The following PPA2 variants were observed in gnomAD, a reference collection of about 807,000 sequenced individuals.
The protein encoded by PPA2 is inorganic pyrophosphatase 2.
Under a neutral mutation model 49.5 loss-of-function variants are expected in PPA2, and 48 were observed. The ratio of observed to expected loss-of-function variants is 0.97; its 90% CI spans 0.77 to 1.23. PPA2 has a LOEUF of 1.23. Ranked by LOEUF, PPA2 falls within the 50% of genes most tolerant of loss-of-function variation. The pLI, the probability that PPA2 is intolerant of heterozygous loss-of-function variation, is 0.00. For missense variants in PPA2, 429 were observed against 410.1 expected (o/e 1.05, Z -0.40); for synonymous variants, 131 against 139.9 (o/e 0.94, Z 0.45).
At chr4:105,448,223 T>C (rs1184330225) in intron 4 of PPA2, 4 of 197,792 alleles carry the variant, frequency 2.0e-5, no homozygotes, top group East Asian at 1.7e-4. Context: ...TGAAACATTA[T>C]ACATGAAACA....
At chr4:105,431,442 AAAT>A (rs1328363272) in intron 6 of PPA2, among the ~76,000 whole-genome samples, 1 of 152,220 alleles carries the variant, frequency 6.6e-6, no homozygotes, top group East Asian at 1.9e-4. Context: ...CAAAAAGGGA[AAAT>A]AATGAGTATT....
chr4:105,463,646 C>T (rs993807111), intron 1 of PPA2, among the ~76,000 whole-genome samples: 2 of 152,148 alleles, frequency 1.3e-5, no homozygotes, highest in African/African-American at 4.8e-5. Context: ...AAGGTGGTTT[C>T]GCTGGGCTCA....
At chr4:105,412,394 C>T (rs1578833894) in intron 7 of PPA2, among the ~76,000 whole-genome samples, 1 of 151,750 alleles carries the variant, frequency 6.6e-6, no homozygotes, top group Non-Finnish European at 1.5e-5. Context: ...AAGAAGAAAA[C>T]CTAGGCAATA....
At chr4:105,451,493 T>C (rs1057239287) in intron 3 of PPA2, among the ~76,000 whole-genome samples, 2 of 152,252 alleles carry the variant, frequency 1.3e-5, no homozygotes, top group South Asian at 2.1e-4. Flanking sequence ...CCTGCTGTTA[T>C]GTTTCATTTT....
chr4:105,396,526 A>G (rs537120790), intron 8 of PPA2, among the ~76,000 whole-genome samples, 192 bp from the exon 9 acceptor site: 23 of 152,328 alleles, frequency 1.5e-4, no homozygotes, highest in African/African-American at 4.8e-4. Flanking sequence ...TAAGCTTGCT[A>G]AGCCTCAATT....
intron 10 of PPA2, among the ~76,000 whole-genome samples, chr4:105,376,535 T>A (rs1733260211): frequency 6.6e-6 from 1 of 152,156 alleles, no homozygotes; most frequent in African/African-American, 2.4e-5. Context: ...AATCTGTCGA[T>A]GAATAGGCAA....
Position 105,424,326 on chromosome 4 carries a change from TAAAGA to T in PPA2, c.529-9_529-5del. The T allele has an allele frequency of 6.3e-7, 1 of 1,580,680 alleles. No homozygotes were observed. The highest frequency in any genetic ancestry group is 8.5e-7 in the Non-Finnish European group (1 of 1,171,628). On this transcript the variant is annotated splice_region_variant and splice_polypyrimidine_tract_variant and intron_variant, in intron 6 of 11. Coordinates refer to ENST00000341695, the MANE Select transcript of PPA2 (RefSeq NM_176869.3). ...TAACTTCTCCACAAGAAAGAATCTT[TAAAGA>T]AAAAAGAAATTCACTATTTGCAAGG...
chr4:105,390,331 G>A (rs1733862149), intron 9 of PPA2, among the ~76,000 whole-genome samples: 1 of 152,076 alleles, frequency 6.6e-6, no homozygotes, highest in Admixed American at 6.5e-5. Flanking sequence ...TCAAACTAAA[G>A]AGCTTCTGAC....
chr4:105,448,525 T>C (rs1722510561), intron 4 of PPA2, among the ~76,000 whole-genome samples: 1 of 150,316 alleles, frequency 6.7e-6, no homozygotes, highest in Non-Finnish European at 1.5e-5. Context: ...AACAAGAAAA[T>C]TCTGAATAGC....
At chr4:105,393,544 T>G (rs562961643) in intron 9 of PPA2, among the ~76,000 whole-genome samples, 16 of 147,380 alleles carry the variant, frequency 1.1e-4, no homozygotes, top group African/African-American at 3.7e-4. Flanking sequence ...AATAATATGG[T>G]TCTTAAGCAG....
At chr4:105,398,061 G>T (rs1444538084) in intron 8 of PPA2, among the ~76,000 whole-genome samples, 60 of 147,578 alleles carry the variant, frequency 4.1e-4, no homozygotes, top group Non-Finnish European at 1.5e-5. Flanking sequence ...ATACAGAAAA[G>T]AATTACTATT....
At chr4:105,405,227 T>C (rs1722407668) in intron 7 of PPA2, 1 of 745,332 alleles carries the variant, frequency 1.3e-6, no homozygotes, top group African/African-American at 1.9e-5. Context: ...GGCATAGTTA[T>C]AAACAAACAC....
intron 7 of PPA2, among the ~76,000 whole-genome samples, chr4:105,403,052 T>A (rs1234902365): frequency 1.3e-5 from 2 of 152,084 alleles, no homozygotes; most frequent in African/African-American, 4.8e-5. Context: ...TGACACAGTG[T>A]CTTGCTCTGT....
At chr4:105,372,938 GTTTTA>G (rs1244762098) in intron 10 of PPA2, among the ~76,000 whole-genome samples, 4 of 152,256 alleles carry the variant, frequency 2.6e-5, no homozygotes, top group Non-Finnish European at 5.9e-5. Flanking sequence ...AACAGACTTT[GTTTTA>G]TTTTCTTTAT....
chr4:105,425,167 C>G (rs557141679), intron 6 of PPA2, among the ~76,000 whole-genome samples: 2 of 152,146 alleles, frequency 1.3e-5, no homozygotes, highest in Non-Finnish European at 2.9e-5. Flanking sequence ...AACATCCAGG[C>G]ACTCGACATA....
Position 105,462,777 on chromosome 4 carries a change from T to G in PPA2, c.158-6032A>C, listed in dbSNP as rs558822804. ...TAGGGGTAAGTCTTTCCTGTGCTGT[T>G]CTCATGATAGTAAGTCTCACAAGAT... is the stretch of plus-strand genomic sequence containing the variant. On this transcript the variant is annotated intron_variant, in intron 1 of 11. Transcript: ENST00000341695. Among the ~76,000 whole-genome samples, 72 of 152,306 alleles carry G rather than the reference T, an allele frequency of 4.7e-4. No individual in the cohort carries two copies. The South Asian group carries it at 5.6e-3, about 12-fold the overall frequency.
At chr4:105,456,329 ACAT>A (rs984986163) in intron 2 of PPA2, 2 of 449,094 alleles carry the variant, frequency 4.5e-6, no homozygotes, top group African/African-American at 4.0e-5. Context: ...CAATTAAATA[ACAT>A]CATGTTCACA....
intron 10 of PPA2, among the ~76,000 whole-genome samples, chr4:105,375,225 G>C (rs1315618666): frequency 6.6e-6 from 1 of 151,864 alleles, no homozygotes. Context: ...GTAAATGATT[G>C]GTTTTACTTT....
chr4:105,374,792 A>C (rs140864792), intron 10 of PPA2, among the ~76,000 whole-genome samples: 3 of 152,234 alleles, frequency 2.0e-5, no homozygotes, highest in African/African-American at 7.2e-5. Context: ...CCAATTTTTC[A>C]TTCAGGTGAT....
Sources: allele counts gnomAD v4.1 joint callset (sites outside exome capture counted in the v4.1 genomes callset), GRCh38; gene constraint gnomAD v4.1.1; transcripts MANE v1.5; gene names NCBI Gene and HGNC (gene_info 2026-07-23, HGNC 2026-07-21).